SLC1A1: variants seen among roughly 807,000 people sequenced by gnomAD.
The protein encoded by SLC1A1 is solute carrier family 1 member 1.
In SLC1A1, 43 loss-of-function variants were observed where a neutral mutation model predicts 53.3. The observed-to-expected ratio is 0.81, with a 90% CI of 0.63 to 1.04. SLC1A1 has a LOEUF of 1.04. Ranked by LOEUF, SLC1A1 falls within the 50% of genes least tolerant of loss-of-function variation. The probability of loss-of-function intolerance (pLI) is 0.00; values close to 1 mark genes in which losing one functional copy is unlikely to be tolerated. For synonymous variants in SLC1A1, 307 were observed against 243.2 expected, an observed-to-expected ratio of 1.26 and a Z score of -2.44; for missense variants, 748 against 664.9, an observed-to-expected ratio of 1.12 and a Z score of -1.37.
chr9:4,506,553 C>G (rs944923325), intron 1 of SLC1A1, among the ~76,000 whole-genome samples: 2 of 148,474 alleles, frequency 1.3e-5, no homozygotes, highest in Admixed American at 6.6e-5. Context: ...TAATCTCCAA[C>G]TAGCTTATTT....
rs1020556768 is a variant in SLC1A1, at chr9:4,549,158, C to T, written c.232+4451C>T. On this transcript the variant is annotated intron_variant, in intron 2 of 11. Transcript: ENST00000262352. This position sits in a 1 kb window ranked among gnomAD's most constrained non-coding sequence, Gnocchi z 4.1. ...AGAACAGCACCTCCAGTCCCGCTCC[C>T]AGAGGTCCCCTGAGCATCCTTCCCG... Among the ~76,000 whole-genome samples, 8 of 152,150 alleles carry T rather than the reference C, an allele frequency of 5.3e-5. No individual in the cohort carries two copies. The highest frequency in any genetic ancestry group is 1.9e-4 in the African/African-American group (8 of 41,436).
At chr9:4,510,685 C>G (rs1213857088) in intron 1 of SLC1A1, among the ~76,000 whole-genome samples, 1 of 152,184 alleles carries the variant, frequency 6.6e-6, no homozygotes, top group Admixed American at 6.5e-5. Context: ...AGTTCCACAC[C>G]CAGCAGGAGA....
At chr9:4,581,580 T>A (rs904295028) in intron 10 of SLC1A1, among the ~76,000 whole-genome samples, 7 of 152,198 alleles carry the variant, frequency 4.6e-5, no homozygotes, top group African/African-American at 1.7e-4. Context: ...TCAGCTGGCA[T>A]GGACACAAAT....
chr9:4,542,534 G>A (rs1817108659), intron 1 of SLC1A1, among the ~76,000 whole-genome samples: 1 of 152,158 alleles, frequency 6.6e-6, no homozygotes, highest in Admixed American at 6.5e-5. Context: ...GTCCTTGTGT[G>A]GCTAGTGTTT....
At chr9:4,562,072 T>A (rs1379085394) in intron 3 of SLC1A1, among the ~76,000 whole-genome samples, 1 of 147,198 alleles carries the variant, frequency 6.8e-6, no homozygotes, top group Non-Finnish European at 1.5e-5. Flanking sequence ...CTACTTTTTT[T>A]TTTTTTTTTT....
intron 1 of SLC1A1, among the ~76,000 whole-genome samples, chr9:4,526,248 A>G (rs187988434): frequency 6.6e-6 from 1 of 152,358 alleles, no homozygotes; most frequent in Non-Finnish European, 1.5e-5. Flanking sequence ...TTATTAGATA[A>G]GAGCAGAATT....
chr9:4,491,158 C>A (rs1163740735), intron 1 of SLC1A1, among the ~76,000 whole-genome samples: 1 of 152,220 alleles, frequency 6.6e-6, no homozygotes, highest in South Asian at 2.1e-4. Flanking sequence ...TCACCCCACA[C>A]CCCCAGCCTC....
intron 2 of SLC1A1, among the ~76,000 whole-genome samples, chr9:4,558,618 C>A (rs1385205454): frequency 1.3e-5 from 2 of 152,166 alleles, no homozygotes; most frequent in African/African-American, 4.8e-5. Context: ...GCAGAGGCAC[C>A]AGCCCATGGC....
At chr9:4,523,900 T>C (rs1022341721) in intron 1 of SLC1A1, among the ~76,000 whole-genome samples, 1 of 152,204 alleles carries the variant, frequency 6.6e-6, no homozygotes, top group East Asian at 1.9e-4. Flanking sequence ...GCTAATAAAG[T>C]GGTGAGGCCA....
intron 6 of SLC1A1, among the ~76,000 whole-genome samples, chr9:4,568,041 T>A (rs1002300030): frequency 2.6e-5 from 4 of 152,212 alleles, no homozygotes; most frequent in Non-Finnish European, 4.4e-5. Flanking sequence ...TTGATTCTCA[T>A]GCTGGAAACA....
intron 3 of SLC1A1, among the ~76,000 whole-genome samples, chr9:4,561,833 G>A (rs2129673830): frequency 6.6e-6 from 1 of 152,190 alleles, no homozygotes; most frequent in East Asian, 1.9e-4. Flanking sequence ...AGACTTCAAA[G>A]GAAAAACTTT....
intron 1 of SLC1A1, among the ~76,000 whole-genome samples, chr9:4,527,680 G>A (rs1327181941): frequency 6.6e-6 from 1 of 152,020 alleles, no homozygotes; most frequent in Non-Finnish European, 1.5e-5. Flanking sequence ...TACAAAAATG[G>A]CAGCACCTAT....
At position 4,564,401 on chromosome 9, in the gene SLC1A1, C is replaced by T. The variant is rs748031544; in HGVS notation, c.383C>T (p.Ala128Val). ...PGVTQKVGEI[A>V]RTGSTPEVST... is the part of the protein sequence containing the mutation. ...GTCACCCAGAAAGTGGGTGAAATTG[C>T]GAGGACAGGCAGCACCCCTGAAGTC... Residue 128 changes from alanine (A) to valine (V), a missense_variant, in exon 4 of 12, where the codon GCG (alanine) becomes GTG (valine). Transcript: ENST00000262352. 18 of 1,613,594 alleles carry T rather than the reference C, an allele frequency of 1.1e-5. No individual in the cohort carries two copies. The highest frequency in any genetic ancestry group is 8.9e-5 in the East Asian group (4 of 44,878).
intron 8 of SLC1A1, among the ~76,000 whole-genome samples, chr9:4,574,609 T>A (rs533934077): frequency 2.6e-5 from 4 of 152,214 alleles, no homozygotes; most frequent in Admixed American, 2.6e-4. Context: ...GGTTGGGTAG[T>A]TTCCATATTT....
intron 1 of SLC1A1, among the ~76,000 whole-genome samples, chr9:4,501,622 G>A (rs1383882823): frequency 6.6e-6 from 1 of 151,554 alleles, no homozygotes; most frequent in African/African-American, 2.4e-5. Context: ...AAATTAGCCA[G>A]GTATGGTGGT....
intron 7 of SLC1A1, among the ~76,000 whole-genome samples, chr9:4,573,407 G>A (rs1040403239): frequency 1.3e-5 from 2 of 152,116 alleles, no homozygotes; most frequent in African/African-American, 4.8e-5. Context: ...ATGAAATGAT[G>A]CATGTAAAAT....
intron 8 of SLC1A1, 146 bp from the exon 9 acceptor site, chr9:4,575,855 C>T (rs139402472): frequency 3.1e-4 from 249 of 814,802 alleles, no homozygotes; most frequent in Middle Eastern, 1.3e-3. Context: ...TGGAATGGGA[C>T]GTATATTCCT....
chr9:4,505,295 T>C (rs1022449581), intron 1 of SLC1A1, among the ~76,000 whole-genome samples: 6 of 152,174 alleles, frequency 3.9e-5, no homozygotes, highest in African/African-American at 1.2e-4. Flanking sequence ...GTGATCCACC[T>C]GCCTTGGCCT....
chr9:4,565,797 C>T (rs1472631614), intron 4 of SLC1A1, among the ~76,000 whole-genome samples: 1 of 152,106 alleles, frequency 6.6e-6, no homozygotes, highest in Admixed American at 6.6e-5. Context: ...GTCCATTTCA[C>T]CAAGGAGCGT....
Sources: gnomAD v4.1 joint callset for allele counts (sites outside exome capture counted in the v4.1 genomes callset) on GRCh38, gnomAD v4.1.1 for gene constraint, Gnocchi (gnomAD v3.1) non-coding constraint, MANE v1.5 for transcripts, NCBI Gene and HGNC (gene_info 2026-07-23, HGNC 2026-07-21) for gene names.